The following TMOD1 variants were observed in gnomAD, a reference collection of about 807,000 sequenced individuals.
TMOD1 encodes the protein tropomodulin 1.
TMOD1 carries 17 observed loss-of-function variants against 40.6 expected under a neutral mutation model. The observed-to-expected ratio is 0.42, with a 90% CI of 0.29 to 0.63. The LOEUF is 0.63. Among genes scored for constraint, TMOD1 ranks in the 20% least tolerant of loss-of-function variants. The pLI is 0.22. For synonymous variants in TMOD1, 181 were observed against 175.0 expected (o/e 1.03, Z -0.27); for missense variants, 391 against 447.6 (o/e 0.87, Z 1.14).
At position 97,576,870 on chromosome 9, in the gene TMOD1, A is replaced by G. The variant is rs1830950675; in HGVS notation, c.870+7833A>G. On this transcript the variant is annotated intron_variant, in intron 8 of 9. Coordinates refer to ENST00000259365, the MANE Select transcript of TMOD1 (RefSeq NM_003275.4). Reference sequence around the variant, plus strand: ...TAGCCAGGATGGTCTCGATCTCCTGACCTTGTGATCCGCCCACCTCGGCCT... The same window carrying G: ...TAGCCAGGATGGTCTCGATCTCCTGGCCTTGTGATCCGCCCACCTCGGCCT... Among the ~76,000 whole-genome samples the G allele has an allele frequency of 2.0e-5, 3 of 151,716 alleles. No individual in the cohort carries two copies. The South Asian group carries it at 6.3e-4, about 32-fold the overall frequency.
intron 8 of TMOD1, among the ~76,000 whole-genome samples, chr9:97,576,463 AAAT>A (rs1171083320): frequency 6.6e-6 from 1 of 152,176 alleles, no homozygotes; most frequent in African/African-American, 2.4e-5. Flanking sequence ...CCAAAAAAAT[AAAT>A]AAATAAATAT....
At chr9:97,503,192 C>T (rs899441694) in intron 1 of TMOD1, among the ~76,000 whole-genome samples, 5 of 152,156 alleles carry the variant, frequency 3.3e-5, no homozygotes, top group Non-Finnish European at 7.3e-5. Flanking sequence ...CACACAGGGC[C>T]GGTCACGCCA....
intron 8 of TMOD1, among the ~76,000 whole-genome samples, chr9:97,586,874 T>C (rs901210767): frequency 1.3e-5 from 2 of 152,160 alleles, no homozygotes; most frequent in African/African-American, 4.8e-5. Flanking sequence ...TCGCGCACGG[T>C]GCACGCACCC....
chr9:97,507,614 G>T (rs570312339), intron 1 of TMOD1, among the ~76,000 whole-genome samples: 1 of 152,308 alleles, frequency 6.6e-6, no homozygotes, highest in African/African-American at 2.4e-5. Flanking sequence ...ATTTCAGTGG[G>T]TGTGTGATTC....
chr9:97,561,567 G>A (rs1420621107), intron 4 of TMOD1, among the ~76,000 whole-genome samples: 2 of 152,224 alleles, frequency 1.3e-5, no homozygotes, highest in Admixed American at 6.5e-5. Context: ...CCCTGGCCCA[G>A]AGCATGTGCT....
intron 8 of TMOD1, among the ~76,000 whole-genome samples, chr9:97,573,371 A>G (rs2805806): frequency 0.41 from 62,559 of 152,086 alleles, 13,021 homozygotes; most frequent in Middle Eastern, 0.53. Context: ...ATATTTGACA[A>G]TGAGGATGTG....
chr9:97,566,085 C>A, intron 7 of TMOD1, 130 bp downstream of exon 7: 1 of 727,008 alleles, frequency 1.4e-6, no homozygotes, highest in Non-Finnish European at 2.2e-6. Context: ...AGGCATTGGA[C>A]CAGGAGCCAT....
intron 2 of TMOD1, among the ~76,000 whole-genome samples, chr9:97,532,715 A>T (rs1228844360): frequency 6.6e-6 from 1 of 151,914 alleles, no homozygotes; most frequent in Non-Finnish European, 1.5e-5. Flanking sequence ...AGCGCTTTCT[A>T]TTGGGAGGCA....
intron 2 of TMOD1, among the ~76,000 whole-genome samples, 189 bp downstream of exon 2, chr9:97,524,497 G>GT (rs1829969863): frequency 7.0e-6 from 1 of 142,936 alleles, no homozygotes; most frequent in South Asian, 2.3e-4. Flanking sequence ...GAACCAATAG[G>GT]GTGTGTGTGT....
At chr9:97,569,140 A>C in intron 8 of TMOD1, 103 bp downstream of exon 8, 1 of 1,467,560 alleles carries the variant, frequency 6.8e-7, no homozygotes, top group Non-Finnish European at 9.3e-7. Flanking sequence ...TGATGATAGA[A>C]GCTCAGAGCC....
chr9:97,576,629 C>CTT (rs11326860), intron 8 of TMOD1, among the ~76,000 whole-genome samples: 1 of 144,582 alleles, frequency 6.9e-6, no homozygotes, highest in Non-Finnish European at 1.5e-5. Context: ...ATGATGGTTA[C>CTT]TTTTTTTTTT....
chr9:97,518,267 G>A (rs1452679112), intron 1 of TMOD1, among the ~76,000 whole-genome samples: 1 of 150,634 alleles, frequency 6.6e-6, no homozygotes, highest in African/African-American at 2.4e-5. Flanking sequence ...ATGTGCAGAG[G>A]GTAGACACTG....
intron 8 of TMOD1, among the ~76,000 whole-genome samples, chr9:97,587,026 C>T (rs933954419): frequency 2.8e-4 from 43 of 152,322 alleles, no homozygotes; most frequent in African/African-American, 9.6e-4. Flanking sequence ...ATCTTGGCTC[C>T]TCCCCACCAC....
At chr9:97,570,532 T>C (rs1830802019) in intron 8 of TMOD1, among the ~76,000 whole-genome samples, 1 of 152,140 alleles carries the variant, frequency 6.6e-6, no homozygotes, top group Non-Finnish European at 1.5e-5. Context: ...GCTTTTTTTT[T>C]TTCTTTGAGA....
chr9:97,543,306 T>A (rs530862306), intron 2 of TMOD1, among the ~76,000 whole-genome samples: 1 of 152,378 alleles, frequency 6.6e-6, no homozygotes, highest in South Asian at 2.1e-4. Flanking sequence ...ATTTTATAAT[T>A]GTGTGTTTTA....
intron 2 of TMOD1, among the ~76,000 whole-genome samples, chr9:97,534,239 A>G (rs1253094428): frequency 6.6e-6 from 1 of 152,160 alleles, no homozygotes; most frequent in Non-Finnish European, 1.5e-5. Flanking sequence ...TTTTATTGCT[A>G]AAGAAGGGGA....
At chr9:97,587,721 GA>G (rs1361943315) in intron 8 of TMOD1, among the ~76,000 whole-genome samples, 2 of 152,180 alleles carry the variant, frequency 1.3e-5, no homozygotes, top group East Asian at 3.9e-4. Flanking sequence ...ACTCAAAAAA[GA>G]AACTCTGTAC....
At chr9:97,569,352 C>T (rs778176411) in intron 8 of TMOD1, among the ~76,000 whole-genome samples, 1 of 152,158 alleles carries the variant, frequency 6.6e-6, no homozygotes, top group East Asian at 1.9e-4. Context: ...GTCAGCTCCC[C>T]GTAAGTCCTG....
At position 97,601,388 on chromosome 9, in the gene TMOD1, C is replaced by T; in HGVS notation, c.*1690C>T. The T allele has an allele frequency of 1.9e-6, 2 of 1,049,250 alleles. No homozygotes were observed. Among genetic ancestry groups the T allele is most frequent in the Non-Finnish European group, 2.3e-6 (2 of 866,208 alleles). The allele number at this position is 1,049,250 out of a possible 1,614,324, so 65.0% of individuals were successfully genotyped here. ...TGTGTCATGTATTCCAGGTGCTGATCTAAAAACTGTGGCTCAAATGTCACC... is the reference window on the plus strand; with the variant it reads ...TGTGTCATGTATTCCAGGTGCTGATTTAAAAACTGTGGCTCAAATGTCACC... On this transcript the variant is annotated 3_prime_UTR_variant, in exon 10 of 10. Coordinates refer to ENST00000259365, the MANE Select transcript of TMOD1 (RefSeq NM_003275.4).
Sources: gnomAD v4.1 joint callset for allele counts (sites outside exome capture counted in the v4.1 genomes callset) on GRCh38, gnomAD v4.1.1 for gene constraint, MANE v1.5 for transcripts, NCBI Gene and HGNC (gene_info 2026-07-23, HGNC 2026-07-21) for gene names.